ASB15: variants seen among roughly 807,000 people sequenced by gnomAD.
ASB15 encodes ankyrin repeat and SOCS box protein 15.
A neutral mutation model predicts 58.0 loss-of-function variants in ASB15; 54 were observed. That is an observed-to-expected ratio of 0.93 (90% CI 0.75 to 1.17). The LOEUF is 1.17. Ranked by LOEUF, ASB15 falls within the 50% of genes most tolerant of loss-of-function variation. ASB15 has a pLI of 0.00. For missense variants in ASB15, 680 were observed against 707.4 expected (o/e 0.96, Z 0.44); for synonymous variants, 249 against 262.4 (o/e 0.95, Z 0.50).
At chr7:123,586,907 GT>G (rs1448582446) in intron 1 of ASB15, among the ~76,000 whole-genome samples, 4 of 151,484 alleles carry the variant, frequency 2.6e-5, no homozygotes, top group Admixed American at 6.6e-5. Flanking sequence ...TGATGTGTCT[GT>G]TTTTATGAAA....
chr7:123,621,336 G>A (rs1443010787), intron 7 of ASB15: 1 of 152,170 alleles, frequency 6.6e-6, no homozygotes, highest in Non-Finnish European at 1.5e-5. Context: ...TCCTGGAGGT[G>A]CTCATATACA....
chr7:123,585,677 A>G (rs904927786), intron 1 of ASB15, among the ~76,000 whole-genome samples: 11 of 151,508 alleles, frequency 7.3e-5, no homozygotes, highest in African/African-American at 2.4e-4. Flanking sequence ...AGAACAATTA[A>G]GCAAACTCTC....
chr7:123,595,882 A>AT (rs1799678316), intron 1 of ASB15, among the ~76,000 whole-genome samples: 1 of 152,226 alleles, frequency 6.6e-6, no homozygotes, highest in Non-Finnish European at 1.5e-5. Context: ...TCCAAGCTGC[A>AT]TAAAAACAGC....
At chr7:123,588,687 T>C (rs898492137) in intron 1 of ASB15, among the ~76,000 whole-genome samples, 2 of 151,518 alleles carry the variant, frequency 1.3e-5, no homozygotes, top group African/African-American at 4.8e-5. Context: ...GGATTTTTTT[T>C]TTCTTAACAT....
At chr7:123,600,295 C>T (rs1799833494), upstream of ASB15, among the ~76,000 whole-genome samples, 3 of 152,130 alleles carry the variant, frequency 2.0e-5, no homozygotes, top group African/African-American at 7.2e-5. Flanking sequence ...GCTTTTCTAT[C>T]ATTATATGCA....
At chr7:123,618,376 G>A (rs1800964937) in intron 7 of ASB15, among the ~76,000 whole-genome samples, 1 of 152,174 alleles carries the variant, frequency 6.6e-6, no homozygotes, top group Non-Finnish European at 1.5e-5. Flanking sequence ...CTTTCTCTTA[G>A]GGACACAGGG....
rs147849895 is a variant in ASB15 at position 123,624,771 on chromosome 7, C to T, written c.654C>T (p.Ala218=). ...GAGTCACACCACTAGGCGTCGCTGC[C>T]GAGTATGGTCACTGTGACGTGTTAG... is the stretch of plus-strand genomic sequence containing the variant. ...GFGVTPLGVA[A]EYGHCDVLEH... is the part of the protein sequence containing the mutation. Residue 218 remains alanine (A), a synonymous_variant, in exon 8 of 12, where the codon GCC becomes GCT. Transcript: ENST00000451215. 6.2e-7 allele frequency: 1 copy of T among 1,613,974 alleles called. No homozygotes were observed.
chr7:123,595,664 G>A (rs1359833671), intron 1 of ASB15, among the ~76,000 whole-genome samples: 2 of 152,190 alleles, frequency 1.3e-5, no homozygotes, highest in Admixed American at 1.3e-4. Flanking sequence ...ACCTGGCATT[G>A]CAGATGGTCA....
chr7:123,598,641 C>T (rs1799776900), upstream of ASB15, among the ~76,000 whole-genome samples: 1 of 152,148 alleles, frequency 6.6e-6, no homozygotes, highest in Non-Finnish European at 1.5e-5. Flanking sequence ...AAATATTCAA[C>T]ACATATTTGA....
At chr7:123,586,380 G>GA (rs1470657559) in intron 1 of ASB15, among the ~76,000 whole-genome samples, 2 of 151,636 alleles carry the variant, frequency 1.3e-5, no homozygotes, top group Non-Finnish European at 3.0e-5. Context: ...ATCTTCTTTA[G>GA]AAAAAATGTC....
intron 1 of ASB15, among the ~76,000 whole-genome samples, chr7:123,588,310 A>G (rs1799432280): frequency 6.6e-6 from 1 of 151,550 alleles, no homozygotes; most frequent in Non-Finnish European, 1.5e-5. Context: ...ACAGTTTATT[A>G]GTGCTTAATT....
In ASB15 at chr7:123,579,068, C is replaced by T. The variant is rs530039107; in HGVS notation, c.-443+11980C>T. On this transcript the variant is annotated intron_variant, in intron 1 of 13. Transcript: ENST00000451558. ...CCTTTGCCCCTCTCGCTCCCTCCTT[C>T]CTCCCTTTTGGTGTCCTCAGTGTCT... Among the ~76,000 whole-genome samples, 4 of 152,124 alleles carry T rather than the reference C, an allele frequency of 2.6e-5. No individual in the cohort carries two copies. The Middle Eastern group carries it at 0.01, about 388-fold the overall frequency.
At chr7:123,568,630 TG>T (rs925556114) in intron 1 of ASB15, among the ~76,000 whole-genome samples, 3 of 152,028 alleles carry the variant, frequency 2.0e-5, no homozygotes, top group Admixed American at 2.0e-4. Context: ...CACTTCTGTA[TG>T]GGAAATGTTG....
intron 7 of ASB15, among the ~76,000 whole-genome samples, chr7:123,624,304 C>T (rs1801619441): frequency 6.6e-6 from 1 of 152,152 alleles, no homozygotes; most frequent in Non-Finnish European, 1.5e-5. Context: ...GCATCCTATC[C>T]TAGTGATACG....
At chr7:123,630,590 G>T (rs1338585700) in intron 11 of ASB15, among the ~76,000 whole-genome samples, 2 of 151,948 alleles carry the variant, frequency 1.3e-5, no homozygotes. Context: ...TACCATCAAA[G>T]GTTAGTATTT....
chr7:123,623,510 C>G (rs971035726), intron 7 of ASB15, among the ~76,000 whole-genome samples: 3 of 152,058 alleles, frequency 2.0e-5, no homozygotes, highest in Non-Finnish European at 4.4e-5. Context: ...TTACTTCACT[C>G]ACTGGGAACA....
chr7:123,612,366 GA>G (rs1483387568), intron 3 of ASB15: 1 of 152,228 alleles, frequency 6.6e-6, no homozygotes, highest in East Asian at 1.9e-4. Context: ...TTTCCTCTCA[GA>G]AAACCAATGG....
rs1388084960 is a variant in ASB15, at chr7:123,639,189, A to C, written c.*2208A>C. On this transcript the variant is annotated 3_prime_UTR_variant, in exon 12 of 12. Transcript: ENST00000451215. ...TCTGTAAAGTTTTCAAGTTGTATTTAGCTTTAGTTACCTTTGAAAGATAAA... is the reference window on the plus strand; with the variant it reads ...TCTGTAAAGTTTTCAAGTTGTATTTCGCTTTAGTTACCTTTGAAAGATAAA... The C allele has an allele frequency of 1.3e-5, 2 of 152,098 alleles. No homozygotes were observed. The highest frequency in any genetic ancestry group is 3.9e-4 in the East Asian group (2 of 5,194). 9.4% of individuals were successfully genotyped at this position (152,098 alleles called of 1,614,324 possible). A position where few individuals can be genotyped will look rare whatever the true frequency, so the allele number is the denominator to read the frequency against.
intron 1 of ASB15, among the ~76,000 whole-genome samples, chr7:123,579,336 T>C (rs1799161712): frequency 6.6e-6 from 1 of 152,106 alleles, no homozygotes. Flanking sequence ...TTAGTTATAG[T>C]TAAAAATAAG....
Sources: gnomAD v4.1 joint callset for allele counts (sites outside exome capture counted in the v4.1 genomes callset) on GRCh38, gnomAD v4.1.1 for gene constraint, MANE v1.5 for transcripts, NCBI Gene and HGNC (gene_info 2026-07-23, HGNC 2026-07-21) for gene names.